The following FHIT variants were observed in gnomAD, a reference collection of about 807,000 sequenced individuals.
The protein encoded by FHIT is bis(5'-adenosyl)-triphosphatase.
FHIT carries 19 observed loss-of-function variants against 17.9 expected under a neutral mutation model. The ratio of observed to expected loss-of-function variants is 1.06; its 90% CI spans 0.74 to 1.56. The LOEUF is 1.56. FHIT is among the 40% of genes most tolerant of loss of function. The pLI, the probability that FHIT is intolerant of heterozygous loss-of-function variation, is 0.00. For synonymous variants in FHIT, 81 were observed against 69.7 expected (o/e 1.16, Z -0.81); for missense variants, 248 against 189.2 (o/e 1.31, Z -1.82).
chr3:60,713,063 T>C (rs1577103247), intron 4 of FHIT, among the ~76,000 whole-genome samples: 2 of 152,088 alleles, frequency 1.3e-5, no homozygotes, highest in South Asian at 4.2e-4. Context: ...AGAAGAGAAA[T>C]TATAACAAAC....
chr3:60,662,933 G>C (rs1481947383), intron 4 of FHIT, among the ~76,000 whole-genome samples: 3 of 151,398 alleles, frequency 2.0e-5, no homozygotes, highest in African/African-American at 4.9e-5. Context: ...TTAGATCAAT[G>C]TTCATTTTTT....
chr3:61,068,403 C>T (rs534245410), intron 2 of FHIT, among the ~76,000 whole-genome samples: 29 of 152,324 alleles, frequency 1.9e-4, no homozygotes, highest in African/African-American at 7.0e-4. Flanking sequence ...CTTCCATCAT[C>T]AAGTCAGCAA....
intron 4 of FHIT, among the ~76,000 whole-genome samples, chr3:60,725,490 T>C (rs911383450): frequency 1.3e-5 from 2 of 152,190 alleles, no homozygotes; most frequent in Non-Finnish European, 2.9e-5. Flanking sequence ...GGTCCAACTT[T>C]ATTCTTTTGT....
chr3:60,900,660 A>G (rs1156633768), intron 3 of FHIT, among the ~76,000 whole-genome samples: 2 of 152,176 alleles, frequency 1.3e-5, no homozygotes, highest in African/African-American at 4.8e-5. Context: ...TTGAAGAAAT[A>G]CTGAAAAATT....
intron 5 of FHIT, among the ~76,000 whole-genome samples, chr3:60,102,716 T>C (rs762356665): frequency 1.3e-5 from 2 of 152,166 alleles, no homozygotes; most frequent in South Asian, 2.1e-4. Context: ...CAAAGCTTCA[T>C]ATCTTTTTAA....
intron 3 of FHIT, among the ~76,000 whole-genome samples, chr3:60,825,633 C>G (rs1377777213): frequency 6.6e-6 from 1 of 152,058 alleles, no homozygotes; most frequent in Admixed American, 6.5e-5. Flanking sequence ...AGCAGGAACC[C>G]TAGTGTGAAC....
chr3:60,161,824 T>G (rs1161926250), intron 5 of FHIT, among the ~76,000 whole-genome samples: 1 of 151,848 alleles, frequency 6.6e-6, no homozygotes, highest in Non-Finnish European at 1.5e-5. Context: ...CCTGGGAAAA[T>G]CAATGTGCAT....
intron 2 of FHIT, among the ~76,000 whole-genome samples, chr3:61,100,482 C>T (rs1419216763): frequency 6.6e-6 from 1 of 152,100 alleles, no homozygotes. Context: ...TGGGTTGGTT[C>T]GAAGTCTTTG....
chr3:59,798,761 C>G (rs1699878192), intron 8 of FHIT, among the ~76,000 whole-genome samples: 1 of 152,198 alleles, frequency 6.6e-6, no homozygotes, highest in South Asian at 2.1e-4. Flanking sequence ...GTTTCAGCAT[C>G]TGGAAAATGG....
At chr3:61,041,317 C>A (rs748941169) in intron 3 of FHIT, among the ~76,000 whole-genome samples, 2 of 151,512 alleles carry the variant, frequency 1.3e-5, no homozygotes, top group Admixed American at 6.6e-5. Flanking sequence ...GCAGAAGTTG[C>A]GGTGAGCTGA....
chr3:60,024,877 G>A (rs906650959), intron 5 of FHIT, among the ~76,000 whole-genome samples: 1 of 152,208 alleles, frequency 6.6e-6, no homozygotes, highest in Non-Finnish European at 1.5e-5. Flanking sequence ...GAGTGGAGAT[G>A]TATGACAGAT....
At chr3:60,114,802 C>T (rs1261752881) in intron 5 of FHIT, among the ~76,000 whole-genome samples, 5 of 151,996 alleles carry the variant, frequency 3.3e-5, no homozygotes, top group Non-Finnish European at 7.4e-5. Flanking sequence ...GAAAAATCTT[C>T]CTTAAAATTA....
chr3:60,752,074 A>G (rs1553716985), intron 4 of FHIT, among the ~76,000 whole-genome samples: 1 of 152,234 alleles, frequency 6.6e-6, no homozygotes, highest in Non-Finnish European at 1.5e-5. Context: ...TTTTCTACGT[A>G]CACGCATAAT....
intron 2 of FHIT, among the ~76,000 whole-genome samples, chr3:61,193,914 T>C (rs927270037): frequency 6.6e-6 from 1 of 152,142 alleles, no homozygotes; most frequent in African/African-American, 2.4e-5. Flanking sequence ...ATAGCAGCCT[T>C]CCGAAATGAA....
chr3:60,961,908 G>T (rs1333172538), intron 3 of FHIT, among the ~76,000 whole-genome samples: 3 of 152,162 alleles, frequency 2.0e-5, no homozygotes, highest in African/African-American at 7.2e-5. Context: ...ACTTGGCAAT[G>T]TGGGCTCTTT....
chr3:59,914,956 G>A (rs888872382), intron 8 of FHIT, among the ~76,000 whole-genome samples: 1 of 152,130 alleles, frequency 6.6e-6, no homozygotes, highest in African/African-American at 2.4e-5. Context: ...TTAAGTGACT[G>A]TTTATTAATA....
intron 5 of FHIT, among the ~76,000 whole-genome samples, chr3:60,300,921 T>C (rs950078981): frequency 6.6e-6 from 1 of 152,058 alleles, no homozygotes; most frequent in Non-Finnish European, 1.5e-5. Context: ...CATTCTCTTT[T>C]ACCTGTACTG....
At chr3:59,883,641 A>C (rs1703498068) in intron 8 of FHIT, among the ~76,000 whole-genome samples, 1 of 152,226 alleles carries the variant, frequency 6.6e-6, no homozygotes, top group African/African-American at 2.4e-5. Context: ...AAACCATATC[A>C]ACGTCTATTG....
intron 2 of FHIT, among the ~76,000 whole-genome samples, chr3:61,094,810 G>A (rs537803224): frequency 4.6e-5 from 7 of 152,176 alleles, no homozygotes; most frequent in African/African-American, 7.2e-5. Flanking sequence ...CATCTACAGT[G>A]CATATGCTGG....
Sources: gnomAD v4.1 joint callset for allele counts (sites outside exome capture counted in the v4.1 genomes callset) on GRCh38, gnomAD v4.1.1 for gene constraint, MANE v1.5 for transcripts, NCBI Gene and HGNC (gene_info 2026-07-23, HGNC 2026-07-21) for gene names.